The following GRM5 variants were observed in gnomAD, a reference collection of about 807,000 sequenced individuals.
The protein encoded by GRM5 is glutamate metabotropic receptor 5, also known as metabotropic glutamate receptor 5.
Under a neutral mutation model 83.1 loss-of-function variants are expected in GRM5, and 19 were observed. That is an observed-to-expected ratio of 0.23 (90% CI 0.16 to 0.34). The LOEUF (loss-of-function observed/expected upper bound fraction) is 0.34, where lower values mean the gene tolerates loss of function less well. Among genes scored for constraint, GRM5 ranks in the 10% least tolerant of loss-of-function variants. GRM5 has a pLI of 1.00. For synonymous variants in GRM5, 675 were observed against 633.6 expected, an observed-to-expected ratio of 1.07 and a Z score of -0.98; for missense variants, 1,160 against 1,588.3, an observed-to-expected ratio of 0.73 and a Z score of 4.58.
intron 8 of GRM5, among the ~76,000 whole-genome samples, chr11:88,531,148 C>T (rs1199955331): frequency 6.6e-6 from 1 of 152,040 alleles, no homozygotes; most frequent in African/African-American, 2.4e-5. Context: ...GTGATATATG[C>T]CTGGAAGCAG....
chr11:89,006,151 G>A (rs1161173175), intron 2 of GRM5, among the ~76,000 whole-genome samples: 2 of 152,108 alleles, frequency 1.3e-5, no homozygotes, highest in Non-Finnish European at 2.9e-5. Context: ...GCAGAAAGAG[G>A]ACGTAATTTA....
At chr11:88,781,732 C>T (rs758894755) in intron 3 of GRM5, among the ~76,000 whole-genome samples, 6 of 152,180 alleles carry the variant, frequency 3.9e-5, no homozygotes, top group Non-Finnish European at 4.4e-5. Context: ...CATTAATGTG[C>T]TGACCACAAT....
intron 2 of GRM5, among the ~76,000 whole-genome samples, chr11:88,878,403 G>T (rs528451965): frequency 6.3e-4 from 96 of 152,212 alleles, no homozygotes; most frequent in African/African-American, 2.2e-3. Context: ...TGGCCAGGGG[G>T]TCTCTCCCAG....
chr11:88,967,202 T>A (rs1475867697), intron 2 of GRM5, among the ~76,000 whole-genome samples: 1 of 136,086 alleles, frequency 7.3e-6, no homozygotes. Context: ...TATATGTGTG[T>A]GTGTGTGTGT....
At chr11:88,647,752 G>C (rs1029416726) in intron 4 of GRM5, among the ~76,000 whole-genome samples, 10 of 152,110 alleles carry the variant, frequency 6.6e-5, no homozygotes, top group South Asian at 2.1e-4. Context: ...GCAACCTATT[G>C]ATCTGACAAA....
intron 4 of GRM5, among the ~76,000 whole-genome samples, chr11:88,647,742 G>T (rs1036481058): frequency 2.0e-5 from 3 of 152,022 alleles, no homozygotes; most frequent in African/African-American, 2.4e-5. Context: ...GAAAATTTTT[G>T]CAACCTATTG....
Position 88,577,631 on chromosome 11 carries a change from C to T in GRM5, c.1691-9639G>A, listed in dbSNP as rs77315667. Among the ~76,000 whole-genome samples the T allele has an allele frequency of 2.2e-4, 33 of 152,166 alleles. No individual in the cohort carries two copies. The East Asian group carries it at 4.2e-3, about 20-fold the overall frequency. On this transcript the variant is annotated intron_variant, in intron 7 of 9. Transcript: ENST00000305447. ...CTTTAATACCTACAAGGTCCTCATG[C>T]GATAGGGACCATTATTTCATCTATT...
chr11:88,815,679 G>A (rs558631030), intron 3 of GRM5, among the ~76,000 whole-genome samples: 4 of 152,232 alleles, frequency 2.6e-5, no homozygotes, highest in African/African-American at 9.6e-5. Context: ...AAAGAAAGAG[G>A]CGAGGTGTTA....
At chr11:88,789,746 C>T (rs10831436) in intron 3 of GRM5, among the ~76,000 whole-genome samples, 8,110 of 152,280 alleles carry the variant, frequency 0.053, 402 homozygotes, top group Admixed American at 0.16. Context: ...AATGACCTTT[C>T]CTTCCACTTA....
chr11:88,838,249 T>C (rs1944130303), intron 3 of GRM5, among the ~76,000 whole-genome samples: 1 of 152,160 alleles, frequency 6.6e-6, no homozygotes, highest in East Asian at 1.9e-4. Flanking sequence ...GGGGAACTTT[T>C]ATGCTCCAGG....
chr11:88,655,943 A>C (rs1210609392), intron 3 of GRM5, among the ~76,000 whole-genome samples: 7 of 152,158 alleles, frequency 4.6e-5, no homozygotes, highest in Non-Finnish European at 7.4e-5. Context: ...TGGCTAAATT[A>C]GAGGGTGCTG....
intron 2 of GRM5, among the ~76,000 whole-genome samples, chr11:88,941,599 G>A (rs971881228): frequency 1.4e-5 from 2 of 139,850 alleles, no homozygotes; most frequent in African/African-American, 5.3e-5. Flanking sequence ...GGGGAGGGGA[G>A]GGAAAGCGGG....
At chr11:88,595,158 G>A (rs1937763633) in intron 6 of GRM5, among the ~76,000 whole-genome samples, 1 of 151,182 alleles carries the variant, frequency 6.6e-6, no homozygotes, top group African/African-American at 2.4e-5. Context: ...ACATATTTAT[G>A]GGTTACATAG....
rs762772737 is a variant in GRM5 at position 88,653,403 on chromosome 11, A to G, written c.912T>C (p.Ser304=). The change falls in exon 4 of 10, where the codon AGT becomes AGC. Residue 304 remains serine, a splice_region_variant and synonymous_variant. Coordinates refer to ENST00000305447, the MANE Select transcript of GRM5 (RefSeq NM_001143831.3). ...CATCATACCTGTCAGCCCAGCCATC[A>G]CTGTGGGGAAATAAAAAAACCCTCA... is the stretch of plus-strand genomic sequence containing the variant. ...GLAGEFLLLG[S]DGWADRYDVT... is the part of the protein sequence containing the mutation. 6.2e-6 allele frequency: 10 copies of G among 1,603,438 alleles called. No individual in the cohort carries two copies. The African/African-American group carries it at 6.7e-5, about 11-fold the overall frequency.
chr11:88,717,791 A>T (rs1941431466), intron 3 of GRM5, among the ~76,000 whole-genome samples: 1 of 151,816 alleles, frequency 6.6e-6, no homozygotes, highest in Admixed American at 6.6e-5. Context: ...CACATTTTTC[A>T]CTAAATGGTT....
In GRM5 at chr11:88,676,439, T is replaced by C. The variant is rs184986321; in HGVS notation, c.912-23036A>G. Among the ~76,000 whole-genome samples, 129 of 152,170 alleles carry C rather than the reference T, an allele frequency of 8.5e-4. No homozygotes were observed. The Middle Eastern group carries it at 0.014, about 16-fold the overall frequency. ...CCACCCCATACACACTTGAAGTTCC[T>C]TGGGGGCAGGAATTGTATATTGAAT... On this transcript the variant is annotated intron_variant, in intron 3 of 9. Transcript: ENST00000305447.
At chr11:89,029,085 T>C (rs1182629641) in intron 2 of GRM5, among the ~76,000 whole-genome samples, 2 of 152,232 alleles carry the variant, frequency 1.3e-5, no homozygotes, top group Non-Finnish European at 2.9e-5. Context: ...TCCAGCATCA[T>C]CCATGTCCCT....
chr11:89,015,755 T>G lies in GRM5; in HGVS notation c.661+31457A>C, dbSNP rs555564746. On this transcript the variant is annotated intron_variant, in intron 2 of 9. Transcript: ENST00000305447. ...GCTTCCCAAATGGATAAGAGTTATC[T>G]GACAGAAAATAGTTTCATATCTCAT... is the stretch of plus-strand genomic sequence containing the variant. Among the ~76,000 whole-genome samples, 3 of 152,328 alleles carry G rather than the reference T, an allele frequency of 2.0e-5. No homozygotes were observed. In the East Asian group the frequency reaches 5.8e-4, roughly 29 times the overall value.
intron 2 of GRM5, among the ~76,000 whole-genome samples, chr11:88,930,161 T>C (rs977253292): frequency 2.0e-5 from 3 of 151,946 alleles, no homozygotes; most frequent in African/African-American, 4.8e-5. Flanking sequence ...GTAATACCAA[T>C]GACTTGGGAG....
Sources: allele counts gnomAD v4.1 joint callset (sites outside exome capture counted in the v4.1 genomes callset), GRCh38; gene constraint gnomAD v4.1.1; transcripts MANE v1.5; gene names NCBI Gene and HGNC (gene_info 2026-07-23, HGNC 2026-07-21).